Variants in ADGRL2 observed in about 807,000 individuals in gnomAD.
The protein encoded by ADGRL2 is adhesion G protein-coupled receptor L2, also known as calcium-independent alpha-latrotoxin receptor 2.
A neutral mutation model predicts 157.4 loss-of-function variants in ADGRL2; 44 were observed. The observed-to-expected ratio is 0.28, with a 90% CI of 0.22 to 0.36. ADGRL2 has a LOEUF of 0.36. Among genes scored for constraint, ADGRL2 ranks in the 10% least tolerant of loss-of-function variants. The pLI, the probability that ADGRL2 is intolerant of heterozygous loss-of-function variation, is 1.00. For synonymous variants in ADGRL2, 585 were observed against 624.7 expected (o/e 0.94, Z 0.95); for missense variants, 1,510 against 1,768.9 (o/e 0.85, Z 2.63).
chr1:81,755,813 A>G (rs991007995), intron 1 of ADGRL2, among the ~76,000 whole-genome samples: 1 of 146,470 alleles, frequency 6.8e-6, no homozygotes, highest in African/African-American at 2.5e-5. Context: ...TGGTTTTTGA[A>G]TGCCTGCTGT....
At chr1:81,757,802 A>C (rs1039623540) in intron 1 of ADGRL2, among the ~76,000 whole-genome samples, 1 of 152,212 alleles carries the variant, frequency 6.6e-6, no homozygotes, top group African/African-American at 2.4e-5. Flanking sequence ...ATGCTTAGGC[A>C]GATAGCCAGT....
At position 81,943,276 on chromosome 1, in the gene ADGRL2, G is replaced by A; in HGVS notation, c.717G>A (p.Arg239=). 1.2e-6 allele frequency: 2 copies of A among 1,613,566 alleles called. No homozygotes were observed. The highest frequency in any genetic ancestry group is 1.7e-6 in the Non-Finnish European group (2 of 1,179,702). Residue 239 remains arginine (R), a synonymous_variant, in exon 6 of 24, where the codon AGG becomes AGA. Transcript: ENST00000686636. The surrounding 1 kb of genome is among the most constrained non-coding windows in gnomAD (Gnocchi z 5.6). ...RTRNIVKFDL[R]TRIKSGEAII... is the part of the protein sequence containing the mutation. ...GGAATATTGTGAAATTTGACTTGAG[G>A]ACTAGAATTAAGAGTGGCGAGGCCA...
chr1:81,523,908 A>T (rs1354251094), intron 2 of ADGRL2, among the ~76,000 whole-genome samples: 1 of 152,070 alleles, frequency 6.6e-6, no homozygotes, highest in African/African-American at 2.4e-5. Flanking sequence ...CTAAAAATAC[A>T]AAAGAAAGTA....
At chr1:81,818,443 C>T (rs2149799813) in intron 1 of ADGRL2, among the ~76,000 whole-genome samples, 2 of 152,198 alleles carry the variant, frequency 1.3e-5, no homozygotes, top group Middle Eastern at 3.4e-3. Context: ...AAAAATTTGA[C>T]AGAACTTCTG....
chr1:81,825,088 G>A (rs1480193691), intron 1 of ADGRL2, among the ~76,000 whole-genome samples: 1 of 152,086 alleles, frequency 6.6e-6, no homozygotes, highest in African/African-American at 2.4e-5. Flanking sequence ...GCTCAAGCCT[G>A]TAACACCAGC....
At chr1:81,540,584 C>T (rs944264767) in intron 2 of ADGRL2, among the ~76,000 whole-genome samples, 2 of 152,156 alleles carry the variant, frequency 1.3e-5, no homozygotes, top group African/African-American at 4.8e-5. Flanking sequence ...AAAGGAGCTG[C>T]TTGTGCACAT....
intron 3 of ADGRL2, among the ~76,000 whole-genome samples, chr1:81,619,431 A>T (rs1191492851): frequency 6.6e-6 from 1 of 152,188 alleles, no homozygotes; most frequent in Non-Finnish European, 1.5e-5. Context: ...GGTCTTCACG[A>T]CCTGCAAACT....
intron 1 of ADGRL2, among the ~76,000 whole-genome samples, chr1:81,401,945 A>C: frequency 6.6e-6 from 1 of 152,222 alleles, no homozygotes; most frequent in East Asian, 1.9e-4. Flanking sequence ...AAATAATGAG[A>C]ATAAAGATTT....
intron 2 of ADGRL2, among the ~76,000 whole-genome samples, chr1:81,775,585 A>T (rs10874269): frequency 0.22 from 31,326 of 142,148 alleles, 3,580 homozygotes; most frequent in African/African-American, 0.33. Context: ...GTCCTGGTTT[A>T]AAAAAAAAAA....
chr1:81,535,815 C>T (rs1323610447), intron 2 of ADGRL2, among the ~76,000 whole-genome samples: 1 of 152,110 alleles, frequency 6.6e-6, no homozygotes, highest in Non-Finnish European at 1.5e-5. Flanking sequence ...TTAGATATGG[C>T]TCCTGCAAAG....
chr1:81,718,394 C>A (rs188172656), intron 1 of ADGRL2, among the ~76,000 whole-genome samples: 1 of 151,964 alleles, frequency 6.6e-6, no homozygotes, highest in Admixed American at 6.5e-5. Flanking sequence ...GTATGATGAT[C>A]TGTTTGTAGT....
chr1:81,868,162 T>A (rs1204390345), intron 2 of ADGRL2, among the ~76,000 whole-genome samples: 1 of 151,990 alleles, frequency 6.6e-6, no homozygotes, highest in Admixed American at 6.6e-5. Context: ...TGCTATGTGC[T>A]AGGCATTGCA....
intron 3 of ADGRL2, among the ~76,000 whole-genome samples, chr1:81,652,171 C>T (rs1485365073): frequency 1.3e-5 from 2 of 152,142 alleles, no homozygotes; most frequent in African/African-American, 4.8e-5. Flanking sequence ...GAATATTTAG[C>T]AATTTCAGAG....
At chr1:81,614,335 T>C (rs1161922854) in intron 3 of ADGRL2, among the ~76,000 whole-genome samples, 1 of 152,184 alleles carries the variant, frequency 6.6e-6, no homozygotes, top group Non-Finnish European at 1.5e-5. Context: ...CACTCTCTGT[T>C]CTTGCTCACT....
Position 81,343,272 on chromosome 1 carries a change from T to C in ADGRL2, c.-302+36763T>C, listed in dbSNP as rs149824311. On this transcript the variant is annotated intron_variant, in intron 1 of 24. Transcript: ENST00000370721. ...GCCAAGCTAATTTTCGTATTTTTAG[T>C]AGGGACGGGGTTTTACCATGTTGGC... is the stretch of plus-strand genomic sequence containing the variant. 2.7e-3 allele frequency among the ~76,000 whole-genome samples: 416 copies of C among 151,954 alleles called. 5 individuals carry two copies. In the South Asian group the frequency reaches 0.051, roughly 19 times the overall value.
chr1:81,461,481 T>G (rs2101805307), intron 2 of ADGRL2, among the ~76,000 whole-genome samples: 1 of 152,310 alleles, frequency 6.6e-6, no homozygotes, highest in Admixed American at 6.5e-5. Flanking sequence ...CCCAGTTACC[T>G]TCAATGATTC....
intron 17 of ADGRL2, among the ~76,000 whole-genome samples, chr1:81,976,977 C>CT: frequency 6.6e-6 from 1 of 151,906 alleles, no homozygotes; most frequent in African/African-American, 2.4e-5. Context: ...GAAATGGAAA[C>CT]TTTTAAATAT....
chr1:81,658,079 A>G lies in ADGRL2; in HGVS notation c.-143+77099A>G, dbSNP rs531783230. On this transcript the variant is annotated intron_variant, in intron 3 of 24. Coordinates refer to the ADGRL2 transcript ENST00000370721. ...CATTGGTATCTAGTCATGTCTTATTATTTGTATACATAAACATTATCTTTT... is the reference window on the plus strand; with the variant it reads ...CATTGGTATCTAGTCATGTCTTATTGTTTGTATACATAAACATTATCTTTT... Among the ~76,000 whole-genome samples, 3 of 152,218 alleles carry G rather than the reference A, an allele frequency of 2.0e-5. No individual in the cohort carries two copies. The South Asian group carries it at 6.2e-4, about 32-fold the overall frequency.
chr1:81,500,694 T>C (rs2078826829), intron 2 of ADGRL2, among the ~76,000 whole-genome samples: 1 of 152,164 alleles, frequency 6.6e-6, no homozygotes, highest in African/African-American at 2.4e-5. Flanking sequence ...AGAGTTTCAG[T>C]TGGTATGATG....
Sources: gnomAD v4.1 joint callset for allele counts (sites outside exome capture counted in the v4.1 genomes callset) on GRCh38, gnomAD v4.1.1 for gene constraint, Gnocchi (gnomAD v3.1) non-coding constraint, MANE v1.5 for transcripts, NCBI Gene and HGNC (gene_info 2026-07-23, HGNC 2026-07-21) for gene names.